The following RARB variants were observed in gnomAD, a reference collection of about 807,000 sequenced individuals.
The protein encoded by RARB is retinoic acid receptor beta, also known as HBV-activated protein.
In RARB, 17 loss-of-function variants were observed where a neutral mutation model predicts 51.9. The ratio of observed to expected loss-of-function variants is 0.33; its 90% CI spans 0.22 to 0.49. RARB has a LOEUF of 0.49. RARB is among the 20% of genes least tolerant of loss of function. The probability of loss-of-function intolerance (pLI) is 0.99; values close to 1 mark genes in which losing one functional copy is unlikely to be tolerated. For synonymous variants in RARB, 215 were observed against 195.4 expected (o/e 1.10, Z -0.84); for missense variants, 369 against 550.8 (o/e 0.67, Z 3.30).
In RARB at chr3:25,068,485, ATAAAT is replaced by A. The variant is rs148814901; in HGVS notation, c.-328+8315_-328+8319del. 3.5e-3 allele frequency among the ~76,000 whole-genome samples: 530 copies of A among 152,322 alleles called. 2 individuals carry two copies. The highest frequency in any genetic ancestry group is 0.011 in the African/African-American group (457 of 41,564). On this transcript the variant is annotated intron_variant, in intron 3 of 11. Coordinates refer to the RARB transcript ENST00000383772. ...AAAGGGGGGTAATATTGAGGAATAG[ATAAAT>A]TAAATAAAAAGACTTAAATTACACA... is the stretch of plus-strand genomic sequence containing the variant.
At chr3:25,379,545 G>T (rs989887840) in intron 5 of RARB, among the ~76,000 whole-genome samples, 1 of 152,168 alleles carries the variant, frequency 6.6e-6, no homozygotes, top group African/African-American at 2.4e-5. Flanking sequence ...CTATGCAAAT[G>T]TGTGATCAAA....
chr3:25,337,221 C>A (rs1487118520), intron 5 of RARB, among the ~76,000 whole-genome samples: 1 of 152,082 alleles, frequency 6.6e-6, no homozygotes, highest in African/African-American at 2.4e-5. Flanking sequence ...CCCCCACCCC[C>A]ACAAAAAAGT....
At chr3:24,884,913 G>A (rs1286035430) in intron 2 of RARB, among the ~76,000 whole-genome samples, 1 of 152,066 alleles carries the variant, frequency 6.6e-6, no homozygotes, top group Non-Finnish European at 1.5e-5. Flanking sequence ...AGAGAATAGG[G>A]ACATGGGGCC....
At chr3:24,833,561 G>A in intron 1 of RARB, among the ~76,000 whole-genome samples, 1 of 152,248 alleles carries the variant, frequency 6.6e-6, no homozygotes, top group Non-Finnish European at 1.5e-5. Flanking sequence ...TCTCCATTTG[G>A]ATGTTTCCCA....
chr3:25,372,338 T>C (rs938580322), intron 5 of RARB, among the ~76,000 whole-genome samples: 2 of 152,164 alleles, frequency 1.3e-5, no homozygotes. Flanking sequence ...ACCAAAAATA[T>C]TTCCAGATAT....
chr3:25,523,885 G>A (rs1015413785), intron 3 of RARB, among the ~76,000 whole-genome samples: 2 of 151,798 alleles, frequency 1.3e-5, no homozygotes, highest in African/African-American at 4.8e-5. Context: ...TTTTTAAATG[G>A]ACCATTTTTA....
At chr3:25,221,936 T>G (rs1701957184) in intron 5 of RARB, among the ~76,000 whole-genome samples, 1 of 152,216 alleles carries the variant, frequency 6.6e-6, no homozygotes, top group Non-Finnish European at 1.5e-5. Flanking sequence ...AAAGAACATC[T>G]TGACATTACT....
At chr3:25,253,490 T>C (rs1473703889) in intron 5 of RARB, among the ~76,000 whole-genome samples, 1 of 152,156 alleles carries the variant, frequency 6.6e-6, no homozygotes, top group Non-Finnish European at 1.5e-5. Flanking sequence ...TACTAGGTTT[T>C]CTAGAGCAGC....
intron 3 of RARB, among the ~76,000 whole-genome samples, chr3:25,070,235 C>A (rs1200220989): frequency 6.6e-6 from 1 of 152,176 alleles, no homozygotes; most frequent in Non-Finnish European, 1.5e-5. Context: ...ATTAGAGGCC[C>A]ACCCTACTCC....
At chr3:24,882,928 G>T (rs1703195554) in intron 2 of RARB, among the ~76,000 whole-genome samples, 1 of 152,142 alleles carries the variant, frequency 6.6e-6, no homozygotes, top group Admixed American at 6.6e-5. Context: ...GTGGTGAGGG[G>T]GTATATGGAA....
Position 24,895,629 on chromosome 3 carries a change from C to T in RARB, c.-380+36877C>T, listed in dbSNP as rs1177961747. ...TACAATTGGGTCTTTTTTTTTTTTC[C>T]TTGAGAAGGAGTCTCGCTCTTTCAC... On this transcript the variant is annotated intron_variant, in intron 2 of 11. Coordinates refer to the RARB transcript ENST00000383772. 1.3e-3 allele frequency among the ~76,000 whole-genome samples: 163 copies of T among 124,466 alleles called. 1 individual carries two copies. Among genetic ancestry groups the T allele is most frequent in the Non-Finnish European group, 1.9e-3 (119 of 63,086 alleles). 81.7% of individuals were successfully genotyped at this position (124,466 alleles called of 152,430 possible).
At chr3:24,943,144 T>A (rs926126462) in intron 2 of RARB, among the ~76,000 whole-genome samples, 2 of 152,210 alleles carry the variant, frequency 1.3e-5, no homozygotes, top group African/African-American at 4.8e-5. Context: ...ATGTAAGGGA[T>A]AATTTTGTTG....
rs1701933749 is a variant in RARB at position 25,597,771 on chromosome 3, TG to T, written c.*1157del. 7.6e-6 allele frequency: 1 copy of T among 131,798 alleles called. No individual in the cohort carries two copies. The highest frequency in any genetic ancestry group is 3.0e-5 in the African/African-American group (1 of 33,382). The allele number at this position is 131,798 out of a possible 1,614,324, so 8.2% of individuals were successfully genotyped here. A position where few individuals can be genotyped will look rare whatever the true frequency, so the allele number is the denominator to read the frequency against. ...TTCTTAGTTCTCATTTAAGCACTAG[TG>T]GAATTTTTTTTTTTTGATATATTAG... On this transcript the variant is annotated 3_prime_UTR_variant, in exon 8 of 8. Transcript: ENST00000330688.
intron 3 of RARB, among the ~76,000 whole-genome samples, chr3:25,533,494 C>T (rs1179874644): frequency 1.3e-5 from 2 of 152,136 alleles, no homozygotes; most frequent in Non-Finnish European, 2.9e-5. Context: ...TTTAGTTCTC[C>T]ATGGGTAGTA....
chr3:25,086,687 C>G (rs966833783), intron 3 of RARB, among the ~76,000 whole-genome samples: 1 of 151,854 alleles, frequency 6.6e-6, no homozygotes. Context: ...TGGGACAACT[C>G]AGGGTTGGGG....
At chr3:25,454,708 C>G (rs1694818167) in intron 1 of RARB, among the ~76,000 whole-genome samples, 1 of 151,952 alleles carries the variant, frequency 6.6e-6, no homozygotes, top group African/African-American at 2.4e-5. Flanking sequence ...GTATACTGAG[C>G]TCTCTTAAAA....
At chr3:25,305,445 C>A (rs935562813) in intron 5 of RARB, among the ~76,000 whole-genome samples, 1 of 152,148 alleles carries the variant, frequency 6.6e-6, no homozygotes, top group Admixed American at 6.5e-5. Flanking sequence ...AAGGCAAAAA[C>A]CACAGTTTGC....
intron 5 of RARB, among the ~76,000 whole-genome samples, chr3:25,269,091 A>G (rs1256661073): frequency 6.6e-6 from 1 of 152,200 alleles, no homozygotes; most frequent in African/African-American, 2.4e-5. Flanking sequence ...TTTACCCTCC[A>G]ATAAACTGTC....
intron 5 of RARB, among the ~76,000 whole-genome samples, chr3:25,185,111 A>ATT (rs1700947040): frequency 6.6e-6 from 1 of 152,168 alleles, no homozygotes; most frequent in African/African-American, 2.4e-5. Flanking sequence ...AGGCATATGG[A>ATT]AGTTTTCACT....
Sources: gnomAD v4.1 joint callset for allele counts (sites outside exome capture counted in the v4.1 genomes callset) on GRCh38, gnomAD v4.1.1 for gene constraint, MANE v1.5 for transcripts, NCBI Gene and HGNC (gene_info 2026-07-23, HGNC 2026-07-21) for gene names.